Variants in ITGA9 observed in about 807,000 individuals in gnomAD.
ITGA9 encodes integrin alpha-9.
In ITGA9, 56 loss-of-function variants were observed where a neutral mutation model predicts 127.8. That is an observed-to-expected ratio of 0.44 (90% CI 0.35 to 0.55). ITGA9 has a LOEUF of 0.55. Ranked by LOEUF, ITGA9 falls within the 20% of genes least tolerant of loss-of-function variation. ITGA9 has a pLI of 0.00. For synonymous variants in ITGA9, 508 were observed against 514.5 expected (o/e 0.99, Z 0.17); for missense variants, 1,196 against 1,347.1 (o/e 0.89, Z 1.76).
chr3:37,457,038 A>C (rs1317871447), intron 1 of ITGA9, among the ~76,000 whole-genome samples: 1 of 152,186 alleles, frequency 6.6e-6, no homozygotes, highest in Non-Finnish European at 1.5e-5. Context: ...CAATGATGTA[A>C]GTCTTAAAGG....
At chr3:37,664,694 G>A (rs1276718394) in intron 17 of ITGA9, among the ~76,000 whole-genome samples, 4 of 151,658 alleles carry the variant, frequency 2.6e-5, no homozygotes, top group Non-Finnish European at 5.9e-5. Flanking sequence ...GAACCACCGC[G>A]CCTGGCCGAG....
At chr3:37,536,899 G>A (rs1197464024) in intron 14 of ITGA9, among the ~76,000 whole-genome samples, 1 of 152,228 alleles carries the variant, frequency 6.6e-6, no homozygotes, top group Non-Finnish European at 1.5e-5. Flanking sequence ...AGCAGCTGCC[G>A]CCTCCAGGTC....
At chr3:37,689,502 T>C (rs943005885) in intron 18 of ITGA9, among the ~76,000 whole-genome samples, 3 of 152,238 alleles carry the variant, frequency 2.0e-5, no homozygotes, top group Admixed American at 1.3e-4. Context: ...CCGTGTTGCC[T>C]GCCGGGCAAG....
At chr3:37,645,764 T>C (rs1220363355) in intron 16 of ITGA9, among the ~76,000 whole-genome samples, 2 of 152,178 alleles carry the variant, frequency 1.3e-5, no homozygotes, top group African/African-American at 4.8e-5. Flanking sequence ...TCCAAGAAAC[T>C]GATCCTCCTC....
At chr3:37,684,502 G>C (rs1485551068) in intron 18 of ITGA9, among the ~76,000 whole-genome samples, 2 of 152,220 alleles carry the variant, frequency 1.3e-5, no homozygotes, top group African/African-American at 4.8e-5. Context: ...TTTGAGACAA[G>C]TCTCGCTCTG....
intron 27 of ITGA9, among the ~76,000 whole-genome samples, chr3:37,812,257 T>C (rs1288848748): frequency 6.6e-6 from 1 of 152,230 alleles, no homozygotes; most frequent in Non-Finnish European, 1.5e-5. Context: ...AGACATGCTA[T>C]GTAAATAGTC....
chr3:37,559,169 T>G (rs749112807), intron 15 of ITGA9, among the ~76,000 whole-genome samples: 1 of 152,176 alleles, frequency 6.6e-6, no homozygotes, highest in Non-Finnish European at 1.5e-5. Context: ...TTTCTAAGGA[T>G]GAGTAAAGAG....
chr3:37,611,593 A>G (rs567120733), intron 15 of ITGA9, among the ~76,000 whole-genome samples: 2 of 152,144 alleles, frequency 1.3e-5, no homozygotes, highest in East Asian at 3.9e-4. Context: ...CTAAACTGCA[A>G]ATCATTCAGG....
At chr3:37,466,662 A>C (rs113282739) in intron 1 of ITGA9, among the ~76,000 whole-genome samples, 3 of 152,138 alleles carry the variant, frequency 2.0e-5, no homozygotes, top group Non-Finnish European at 4.4e-5. Flanking sequence ...TAAACTATCA[A>C]TCACCTGGAG....
At chr3:37,697,365 T>C (rs1057423896) in intron 18 of ITGA9, among the ~76,000 whole-genome samples, 1 of 150,950 alleles carries the variant, frequency 6.6e-6, no homozygotes, top group Non-Finnish European at 1.5e-5. Flanking sequence ...CTTTAAGTTC[T>C]AGGGTACATG....
At chr3:37,669,149 G>A (rs1357596436) in intron 17 of ITGA9, among the ~76,000 whole-genome samples, 1 of 152,184 alleles carries the variant, frequency 6.6e-6, no homozygotes, top group Non-Finnish European at 1.5e-5. Context: ...GACGAGGCTG[G>A]GTGGTTGCCA....
intron 18 of ITGA9, among the ~76,000 whole-genome samples, chr3:37,684,336 A>C (rs535585474): frequency 6.6e-6 from 1 of 152,310 alleles, no homozygotes; most frequent in South Asian, 2.1e-4. Context: ...TCTCCAGCAC[A>C]CACATGTTCT....
chr3:37,640,115 A>G (rs1408130977), intron 16 of ITGA9, among the ~76,000 whole-genome samples: 1 of 152,190 alleles, frequency 6.6e-6, no homozygotes, highest in Non-Finnish European at 1.5e-5. Flanking sequence ...AAAGATGTCC[A>G]TGCCCTAATT....
intron 18 of ITGA9, among the ~76,000 whole-genome samples, chr3:37,707,570 G>T (rs897057966): frequency 6.6e-6 from 1 of 152,074 alleles, no homozygotes; most frequent in African/African-American, 2.4e-5. Context: ...CAGCCCCCAG[G>T]GGACATAAGT....
At chr3:37,731,118 T>C (rs1696285920) in intron 18 of ITGA9, among the ~76,000 whole-genome samples, 1 of 152,228 alleles carries the variant, frequency 6.6e-6, no homozygotes, top group Non-Finnish European at 1.5e-5. Context: ...TCAATAATTT[T>C]ATGTATTAAA....
chr3:37,485,158 G>A (rs1333575178), intron 4 of ITGA9, among the ~76,000 whole-genome samples: 2 of 152,150 alleles, frequency 1.3e-5, no homozygotes, highest in Non-Finnish European at 2.9e-5. Flanking sequence ...GTGTACTGCT[G>A]GAGCCCGTCC....
chr3:37,627,773 G>GGA (rs2125634637), intron 15 of ITGA9, among the ~76,000 whole-genome samples: 1 of 152,060 alleles, frequency 6.6e-6, no homozygotes, highest in Non-Finnish European at 1.5e-5. Context: ...CATCCATATA[G>GGA]TGACATGCTG....
intron 15 of ITGA9, among the ~76,000 whole-genome samples, chr3:37,566,651 G>T (rs1017109570): frequency 6.6e-6 from 1 of 152,206 alleles, no homozygotes; most frequent in African/African-American, 2.4e-5. Context: ...CTTCAGCAGA[G>T]CTTGGCTACA....
intron 15 of ITGA9, among the ~76,000 whole-genome samples, chr3:37,590,123 G>C (rs1253051938): frequency 6.6e-6 from 1 of 152,160 alleles, no homozygotes; most frequent in South Asian, 2.1e-4. Flanking sequence ...TTTTTAAAAA[G>C]GAGTTACATT....
Sources: gnomAD v4.1 joint callset for allele counts (sites outside exome capture counted in the v4.1 genomes callset) on GRCh38, gnomAD v4.1.1 for gene constraint, MANE v1.5 for transcripts, NCBI Gene and HGNC (gene_info 2026-07-23, HGNC 2026-07-21) for gene names.